CXCR4: variants seen among roughly 807,000 people sequenced by gnomAD.
CXCR4 encodes C-X-C motif chemokine receptor 4, also known as C-X-C chemokine receptor type 4.
Under a neutral mutation model 22.4 loss-of-function variants are expected in CXCR4, and 6 were observed. That is an observed-to-expected ratio of 0.27 (90% CI 0.15 to 0.53). The LOEUF is 0.53. CXCR4 is among the 20% of genes least tolerant of loss of function. The probability of loss-of-function intolerance (pLI) is 0.96; values close to 1 mark genes in which losing one functional copy is unlikely to be tolerated. For synonymous variants in CXCR4, 155 were observed against 171.7 expected, an observed-to-expected ratio of 0.90 and a Z score of 0.76; for missense variants, 300 against 430.4, an observed-to-expected ratio of 0.70 and a Z score of 2.68.
At chr2:136,116,053 C>T (rs1233522121) in intron 1 of CXCR4, 141 bp from the exon 2 acceptor site, 1 of 1,551,632 alleles carries the variant, frequency 6.4e-7, no homozygotes, top group East Asian at 2.4e-5. Context: ...GCTAAGGGCA[C>T]AAGAGAATTA....
At chr2:136,116,458 G>A (rs569525530) in intron 1 of CXCR4, among the ~76,000 whole-genome samples, 1 of 152,252 alleles carries the variant, frequency 6.6e-6, no homozygotes, top group South Asian at 2.1e-4. Context: ...ATTTTCCCAC[G>A]CCTGCCTAAA....
At chr2:136,117,940 C>T in intron 1 of CXCR4, 106 bp downstream of exon 1, 1 of 836,786 alleles carries the variant, frequency 1.2e-6, no homozygotes, top group Admixed American at 2.5e-5. Flanking sequence ...TTTTGGAGTA[C>T]GGGTACCTCC....
At position 136,115,529 on chromosome 2, in the gene CXCR4, G is replaced by T; in HGVS notation, c.399C>A (p.Asp133Glu). The change falls in exon 2 of 2, where the codon GAC (aspartate) becomes GAA (glutamate). Residue 133 changes from aspartate (D) to glutamate (E), a missense_variant. Around this residue, in one of 3 missense-constraint regions of CXCR4, gnomAD observed 118 missense variants for 188.2 expected, o/e 0.63. Coordinates refer to ENST00000241393, the MANE Select transcript of CXCR4 (RefSeq NM_003467.3). The surrounding 1 kb of genome is among the most constrained non-coding windows in gnomAD (Gnocchi z 6.4). The part of the protein sequence containing the change: ...SVLILAFISL[D>E]RYLAIVHATN... ...TGGCGTGGACGATGGCCAGGTAGCG[G>T]TCCAGACTGATGAAGGCCAGGATGA... The T allele has an allele frequency of 6.2e-7, 1 of 1,614,136 alleles. No individual in the cohort carries two copies. Among genetic ancestry groups the T allele is most frequent in the Non-Finnish European group, 8.5e-7 (1 of 1,180,010 alleles).
chr2:136,115,043 A>G lies in CXCR4; in HGVS notation c.885T>C (p.Cys295=). ...SITEALAFFH[C]CLNPILYAFL... ...AAGCATAGAGGATGGGGTTCAGACAACAGTGGAAGAAAGCTAGGGCCTCGG... is the reference window on the plus strand; with the variant it reads ...AAGCATAGAGGATGGGGTTCAGACAGCAGTGGAAGAAAGCTAGGGCCTCGG... The change falls in exon 2 of 2, where the codon TGT becomes TGC. Residue 295 remains cysteine, a synonymous_variant. Transcript: ENST00000241393. This position sits in a 1 kb window ranked among gnomAD's most constrained non-coding sequence, Gnocchi z 6.4. The G allele has an allele frequency of 6.2e-7, 1 of 1,614,210 alleles. No individual in the cohort carries two copies. The highest frequency in any genetic ancestry group is 8.5e-7 in the Non-Finnish European group (1 of 1,180,034).
intron 1 of CXCR4, 168 bp from the exon 2 acceptor site, chr2:136,116,080 C>T (rs1202944978): frequency 6.6e-7 from 1 of 1,518,632 alleles, no homozygotes; most frequent in African/African-American, 1.4e-5. Flanking sequence ...AATCCTACAA[C>T]TCTCCTCCCC....
chr2:136,116,741 A>G (rs1684906167), intron 1 of CXCR4, among the ~76,000 whole-genome samples: 1 of 151,958 alleles, frequency 6.6e-6, no homozygotes, highest in South Asian at 2.1e-4. Context: ...CCCAAGTTTC[A>G]TTTCCTCACT....
Position 136,114,514 on chromosome 2 carries a change from A to G in CXCR4, c.*355T>C, listed in dbSNP as rs192470654. The stretch of plus-strand genomic sequence containing the variant: ...CAAAATCACGTCTTAAGAACAGGAA[A>G]AACGTTCCACGGGAATGGAGAGATT... On this transcript the variant is annotated 3_prime_UTR_variant, in exon 2 of 2. Coordinates refer to ENST00000241393, the MANE Select transcript of CXCR4 (RefSeq NM_003467.3). The G allele has an allele frequency of 1.9e-4, 47 of 253,508 alleles. No homozygotes were observed. Among genetic ancestry groups the G allele is most frequent in the Non-Finnish European group, 4.6e-5 (6 of 129,296 alleles). The allele number at this position is 253,508 out of a possible 1,614,324, so 15.7% of individuals were successfully genotyped here.
At position 136,114,467 on chromosome 2, in the gene CXCR4, T is replaced by G. The variant is rs1684827337; in HGVS notation, c.*402A>C. 1 of 244,324 alleles carries G rather than the reference T, an allele frequency of 4.1e-6. No homozygotes were observed. 15.1% of individuals were successfully genotyped at this position (244,324 alleles called of 1,614,324 possible). A position where few individuals can be genotyped will look rare whatever the true frequency, so the allele number is the denominator to read the frequency against. On this transcript the variant is annotated 3_prime_UTR_variant, in exon 2 of 2. Transcript: ENST00000241393. ...ATTTCTATACCACTTTGGGCTTTGG[T>G]TATAAGTGCCATCTTCTACAGCAAA...
chr2:136,116,288 C>T (rs947570324), intron 1 of CXCR4: 2 of 1,127,382 alleles, frequency 1.8e-6, no homozygotes, highest in Non-Finnish European at 2.2e-6. Context: ...GAGGCCACTC[C>T]CAGGCGGCGT....
Position 136,115,151 on chromosome 2 carries a change from G to T in CXCR4, c.777C>A (p.Ile259=). ...FACWLPYYIG[I]SIDSFILLEI... ...CCAGGAGGATGAAGGAGTCGATGCT[G>T]ATCCCAATGTAGTAAGGCAGCCAAC... Residue 259 remains isoleucine (I), a synonymous_variant, in exon 2 of 2, where the codon ATC becomes ATA. Transcript: ENST00000241393. The surrounding 1 kb of genome is among the most constrained non-coding windows in gnomAD (Gnocchi z 6.4). 6.2e-7 allele frequency: 1 copy of T among 1,614,216 alleles called. No homozygotes were observed. Among genetic ancestry groups the T allele is most frequent in the Non-Finnish European group, 8.5e-7 (1 of 1,180,038 alleles).
At position 136,115,840 on chromosome 2, in the gene CXCR4, G is replaced by A; in HGVS notation, c.88C>T (p.Arg30Cys). The A allele has an allele frequency of 8.1e-6, 13 of 1,614,150 alleles. No homozygotes were observed. The highest frequency in any genetic ancestry group is 1.1e-5 in the Non-Finnish European group (13 of 1,180,024). ...TTATTGAAATTAGCATTTTCTTCAC[G>A]GAAACAGGGTTCCTTCATGGAGTCA... ...DYDSMKEPCF[R>C]EENANFNKIF... is the part of the protein sequence containing the mutation. The change falls in exon 2 of 2, where the codon CGT (arginine) becomes TGT (cysteine). Residue 30 changes from arginine to cysteine, a missense_variant. By Grantham distance (180) the Arg-to-Cys change is radical (BLOSUM62 -3). Around this residue, in one of 3 missense-constraint regions of CXCR4, gnomAD observed 118 missense variants for 188.2 expected, o/e 0.63. Transcript: ENST00000241393. This position sits in a 1 kb window ranked among gnomAD's most constrained non-coding sequence, Gnocchi z 6.4.
At chr2:136,117,887 C>CCCCAAA in intron 1 of CXCR4, 159 bp downstream of exon 1, 1 of 222,946 alleles carries the variant, frequency 4.5e-6, no homozygotes, top group Non-Finnish European at 9.1e-6. Context: ...CACCCACCCG[C>CCCCAAA]ACTATATAGG....
At chr2:136,116,723 G>A (rs1208051146) in intron 1 of CXCR4, among the ~76,000 whole-genome samples, 1 of 152,144 alleles carries the variant, frequency 6.6e-6, no homozygotes, top group East Asian at 1.9e-4. Flanking sequence ...TGCACCCGTG[G>A]TCCTCGCCCC....
Position 136,115,736 on chromosome 2 carries a change from A to C in CXCR4, c.192T>G (p.Gly64=). 6.2e-7 allele frequency: 1 copy of C among 1,614,234 alleles called. No homozygotes were observed. The highest frequency in any genetic ancestry group is 8.5e-7 in the Non-Finnish European group (1 of 1,180,038). The change falls in exon 2 of 2, where the codon GGT becomes GGG. Residue 64 remains glycine (G), a synonymous_variant. Coordinates refer to ENST00000241393, the MANE Select transcript of CXCR4 (RefSeq NM_003467.3). This position sits in a 1 kb window ranked among gnomAD's most constrained non-coding sequence, Gnocchi z 6.4. ...VGNGLVILVM[G]YQKKLRSMTD... ...TCATGCTTCTCAGTTTCTTCTGGTA[A>C]CCCATGACCAGGATGACCAATCCAT... is the stretch of plus-strand genomic sequence containing the variant.
intron 1 of CXCR4, chr2:136,117,817 C>T: frequency 1.9e-6 from 1 of 535,984 alleles, no homozygotes; most frequent in Non-Finnish European, 3.3e-6. Flanking sequence ...CACTGGAACG[C>T]TCTTTCCAGT....
chr2:136,116,355 T>A (rs2104919111), intron 1 of CXCR4: 1 of 493,990 alleles, frequency 2.0e-6, no homozygotes, highest in Admixed American at 5.3e-5. Context: ...GTAAGAAGTT[T>A]TTCGCCCAGG....
At chr2:136,117,396 C>G in intron 1 of CXCR4, 1 of 152,292 alleles carries the variant, frequency 6.6e-6, no homozygotes, top group Admixed American at 6.5e-5. Context: ...CGGATCAACT[C>G]CTAGCTGCTG....
chr2:136,117,821 T>C (rs1684958636), intron 1 of CXCR4: 2 of 536,128 alleles, frequency 3.7e-6, no homozygotes, highest in Admixed American at 3.5e-5. Flanking sequence ...GGAACGCTCT[T>C]TCCAGTCGTT....
chr2:136,118,025 G>A, intron 1 of CXCR4, 21 bp downstream of exon 1: 1 of 1,613,018 alleles, frequency 6.2e-7, no homozygotes. Flanking sequence ...TTATGACAAA[G>A]CAGGTTGAAA....
Sources: allele counts gnomAD v4.1 joint callset (sites outside exome capture counted in the v4.1 genomes callset), GRCh38; gene constraint gnomAD v4.1.1; regional missense constraint gnomAD v4.1.1; non-coding constraint Gnocchi (gnomAD v3.1); transcripts MANE v1.5; gene names NCBI Gene and HGNC (gene_info 2026-07-23, HGNC 2026-07-21).